Variants in FGD6 observed in about 807,000 individuals in gnomAD.
The protein encoded by FGD6 is FYVE, RhoGEF and PH domain containing 6.
A neutral mutation model predicts 149.4 loss-of-function variants in FGD6; 90 were observed. That is an observed-to-expected ratio of 0.60 (90% CI 0.51 to 0.72). FGD6 has a LOEUF of 0.72. Ranked by LOEUF, FGD6 falls within the 30% of genes least tolerant of loss-of-function variation. The pLI, the probability that FGD6 is intolerant of heterozygous loss-of-function variation, is 0.00. For missense variants in FGD6, 1,437 were observed against 1,684.8 expected, an observed-to-expected ratio of 0.85 and a Z score of 2.57; for synonymous variants, 527 against 584.0, an observed-to-expected ratio of 0.90 and a Z score of 1.41.
chr12:95,112,706 C>T (rs894320468), intron 9 of FGD6, among the ~76,000 whole-genome samples: 1 of 151,992 alleles, frequency 6.6e-6, no homozygotes, highest in East Asian at 1.9e-4. Context: ...TGTGTATCTG[C>T]GAGAGAGGGA....
chr12:95,194,086 A>G (rs948076722), intron 2 of FGD6, among the ~76,000 whole-genome samples: 1 of 151,888 alleles, frequency 6.6e-6, no homozygotes, highest in Non-Finnish European at 1.5e-5. Context: ...GGCATGTACC[A>G]TCACGTTTTT....
At chr12:95,183,174 CTTCTGCTGATAAAG>C (rs1206728015) in intron 2 of FGD6, among the ~76,000 whole-genome samples, 6 of 152,352 alleles carry the variant, frequency 3.9e-5, no homozygotes, top group African/African-American at 1.4e-4. Flanking sequence ...TCCCACTATG[CTTCTGCTGATAAAG>C]TCCCCTGGCC....
At chr12:95,193,771 C>T (rs1015892670) in intron 2 of FGD6, among the ~76,000 whole-genome samples, 14 of 152,096 alleles carry the variant, frequency 9.2e-5, no homozygotes, top group South Asian at 2.1e-4. Flanking sequence ...CCAGGTGATC[C>T]GCCTGCCTCG....
intron 8 of FGD6, among the ~76,000 whole-genome samples, chr12:95,131,097 T>C (rs937774228): frequency 6.6e-6 from 1 of 151,406 alleles, no homozygotes; most frequent in African/African-American, 2.4e-5. Context: ...AAAAAACATT[T>C]TGGCTAAAGA....
chr12:95,148,489 T>C (rs1323361967), intron 5 of FGD6, among the ~76,000 whole-genome samples: 1 of 142,024 alleles, frequency 7.0e-6, no homozygotes, highest in Non-Finnish European at 1.5e-5. Flanking sequence ...TCCAAATATA[T>C]ATATAATATA....
At chr12:95,122,491 C>A (rs929931679) in intron 8 of FGD6, among the ~76,000 whole-genome samples, 7 of 151,256 alleles carry the variant, frequency 4.6e-5, no homozygotes, top group Non-Finnish European at 2.9e-5. Flanking sequence ...ACTAAAAATA[C>A]AAAAATTAGC....
At position 95,210,359 on chromosome 12, in the gene FGD6, T is replaced by C; in HGVS notation, c.925A>G (p.Thr309Ala). Residue 309 changes from threonine (T) to alanine (A), a missense_variant, in exon 2 of 21, where the codon ACC becomes GCC. Thr to Ala is a moderately conservative substitution (Grantham distance 58). This residue lies in a region of FGD6 where 1,055 missense variants were observed against 1,146.0 expected (regional missense o/e 0.92). Transcript: ENST00000343958. ...GPLEIHLVPY[T>A]PKFPTPKPRK... Reference sequence around the variant, plus strand: ...GGCTTGGGAGTTGGAAATTTTGGGGTATATGGTACTAAATGAATTTCTAAG... The same window carrying C: ...GGCTTGGGAGTTGGAAATTTTGGGGCATATGGTACTAAATGAATTTCTAAG... The C allele has an allele frequency of 1.2e-6, 2 of 1,613,524 alleles. No individual in the cohort carries two copies. Among genetic ancestry groups the C allele is most frequent in the South Asian group, 1.1e-5 (1 of 90,888 alleles).
chr12:95,127,638 A>G (rs187707869), intron 8 of FGD6, among the ~76,000 whole-genome samples: 428 of 152,366 alleles, frequency 2.8e-3, no homozygotes, highest in Non-Finnish European at 4.3e-3. Context: ...TCAGAACACT[A>G]TAACAGATGT....
In FGD6 at chr12:95,172,634, C is replaced by G; in HGVS notation, c.2552G>C (p.Ser851Thr). Residue 851 changes from serine to threonine, a missense_variant, in exon 3 of 21, where the codon AGT (serine) becomes ACT (threonine). Physicochemically the swap from Ser to Thr is moderately conservative, Grantham distance 58 (BLOSUM62 1). Around this residue, in one of 2 missense-constraint regions of FGD6, gnomAD observed 1,055 missense variants for 1,146.0 expected, o/e 0.92. Coordinates refer to ENST00000343958, the MANE Select transcript of FGD6 (RefSeq NM_018351.4). ...TTCCAGTGGGTCAGGCTCTCCTTTACTTGACTCAGAGCTGACATCATCTTC... is the reference window on the plus strand; with the variant it reads ...TTCCAGTGGGTCAGGCTCTCCTTTAGTTGACTCAGAGCTGACATCATCTTC... ...SDEDDVSSES[S>T]KGEPDPLEDK... The G allele has an allele frequency of 6.2e-7, 1 of 1,612,446 alleles. No homozygotes were observed.
At chr12:95,106,881 G>C in intron 13 of FGD6, 73 bp downstream of exon 13, 1 of 1,159,696 alleles carries the variant, frequency 8.6e-7, no homozygotes, top group Non-Finnish European at 1.3e-6. Flanking sequence ...GTGACAGAAT[G>C]AGACCCCGTC....
At chr12:95,177,419 T>C (rs1881163161) in intron 2 of FGD6, among the ~76,000 whole-genome samples, 1 of 152,234 alleles carries the variant, frequency 6.6e-6, no homozygotes, top group Admixed American at 6.5e-5. Context: ...AAGGAATGTT[T>C]CATGTAATTC....
intron 3 of FGD6, among the ~76,000 whole-genome samples, chr12:95,163,926 T>C (rs1489417295): frequency 6.6e-6 from 1 of 152,132 alleles, no homozygotes. Flanking sequence ...CTCCAACTTG[T>C]AAGAACAATG....
chr12:95,110,819 G>C (rs1395629270), intron 9 of FGD6, among the ~76,000 whole-genome samples: 3 of 152,088 alleles, frequency 2.0e-5, no homozygotes, highest in Admixed American at 6.6e-5. Context: ...TTGGTCACCT[G>C]GTCTCCCAAG....
intron 8 of FGD6, among the ~76,000 whole-genome samples, chr12:95,134,042 TATC>T (rs1179663299): frequency 6.6e-6 from 1 of 152,200 alleles, no homozygotes; most frequent in Non-Finnish European, 1.5e-5. Flanking sequence ...GATAGACTAT[TATC>T]ATAAGGAAAT....
At chr12:95,134,479 T>C (rs1194021061) in intron 8 of FGD6, among the ~76,000 whole-genome samples, 2 of 152,056 alleles carry the variant, frequency 1.3e-5, no homozygotes, top group African/African-American at 2.4e-5. Context: ...TGGTCAAAGA[T>C]GTTCTGAATT....
At chr12:95,084,907 A>C (rs1877808806) in intron 19 of FGD6, among the ~76,000 whole-genome samples, 1 of 152,144 alleles carries the variant, frequency 6.6e-6, no homozygotes, top group African/African-American at 2.4e-5. Flanking sequence ...ATCCTCACTA[A>C]ACCAAGGAAG....
chr12:95,158,854 G>A (rs1013257048), intron 3 of FGD6, among the ~76,000 whole-genome samples: 37 of 150,054 alleles, frequency 2.5e-4, no homozygotes, highest in Admixed American at 2.4e-3. Flanking sequence ...AGACCATGTC[G>A]TTAGTAAAAA....
rs2136232707 is a variant in FGD6, at chr12:95,089,601, T to G, written c.3946A>C (p.Lys1316Gln). The G allele has an allele frequency of 6.2e-7, 1 of 1,613,676 alleles. No individual in the cohort carries two copies. Among genetic ancestry groups the G allele is most frequent in the Non-Finnish European group, 8.5e-7 (1 of 1,179,776 alleles). Residue 1316 changes from lysine to glutamine, a missense_variant, in exon 18 of 21, where the codon AAA (lysine) becomes CAA (glutamine). Coordinates refer to ENST00000343958, the MANE Select transcript of FGD6 (RefSeq NM_018351.4). ...SVLHSIPSGR[K>Q]QKKIPAALKE... ...AGAGCAGCTGGGATTTTTTTCTGTT[T>G]CCTCCCTGATGGAATGCTATGTAAG...
At chr12:95,081,857 A>G (rs1020788707) in intron 20 of FGD6, among the ~76,000 whole-genome samples, 1 of 151,966 alleles carries the variant, frequency 6.6e-6, no homozygotes, top group Non-Finnish European at 1.5e-5. Flanking sequence ...TTTTTAGTAG[A>G]GACGGGGTTT....
Sources: gnomAD v4.1 joint callset for allele counts (sites outside exome capture counted in the v4.1 genomes callset) on GRCh38, gnomAD v4.1.1 for gene constraint, gnomAD v4.1.1 regional missense constraint, MANE v1.5 for transcripts, NCBI Gene and HGNC (gene_info 2026-07-23, HGNC 2026-07-21) for gene names.